Variants in GRXCR1 observed in about 807,000 individuals in gnomAD.
GRXCR1 encodes the protein glutaredoxin domain-containing cysteine-rich protein 1.
In GRXCR1, 27 loss-of-function variants were observed where a neutral mutation model predicts 27.3. That is an observed-to-expected ratio of 0.99 (90% CI 0.73 to 1.37). The LOEUF is 1.37. Among genes scored for constraint, GRXCR1 ranks in the 40% most tolerant of loss-of-function variants. The probability of loss-of-function intolerance (pLI) is 0.00; values close to 1 mark genes in which losing one functional copy is unlikely to be tolerated. For synonymous variants in GRXCR1, 122 were observed against 131.1 expected (o/e 0.93, Z 0.47); for missense variants, 379 against 354.4 (o/e 1.07, Z -0.56).
At chr4:43,012,810 T>C (rs1249123154) in intron 2 of GRXCR1, among the ~76,000 whole-genome samples, 1 of 152,146 alleles carries the variant, frequency 6.6e-6, no homozygotes, top group African/African-American at 2.4e-5. Flanking sequence ...CTTGGTGAGC[T>C]TAATCACTGC....
chr4:43,025,793 G>A (rs921023726), intron 3 of GRXCR1, among the ~76,000 whole-genome samples: 20 of 152,236 alleles, frequency 1.3e-4, no homozygotes, highest in African/African-American at 4.1e-4. Flanking sequence ...TGGCTAACAC[G>A]GTGAAACCCC....
intron 1 of GRXCR1, among the ~76,000 whole-genome samples, chr4:42,958,090 A>G (rs910526955): frequency 6.6e-6 from 1 of 152,018 alleles, no homozygotes; most frequent in African/African-American, 2.4e-5. Context: ...TTCAAAGGGA[A>G]TTGAATGCTG....
intron 2 of GRXCR1, among the ~76,000 whole-genome samples, chr4:42,963,865 T>C (rs1344352997): frequency 2.0e-5 from 3 of 152,010 alleles, no homozygotes; most frequent in East Asian, 3.9e-4. Flanking sequence ...GCTGACTACA[T>C]GATCACTTAT....
intron 1 of GRXCR1, among the ~76,000 whole-genome samples, chr4:42,959,421 G>T (rs960632731): frequency 1.3e-5 from 2 of 151,774 alleles, no homozygotes; most frequent in African/African-American, 4.8e-5. Flanking sequence ...GTGGCTGTTA[G>T]TGGTGGGGGA....
At chr4:42,920,206 C>T (rs1223628280) in intron 1 of GRXCR1, among the ~76,000 whole-genome samples, 1 of 152,006 alleles carries the variant, frequency 6.6e-6, no homozygotes, top group Non-Finnish European at 1.5e-5. Flanking sequence ...CAGCAATTGG[C>T]AAGGTGAAGG....
At chr4:42,991,580 C>T (rs1711976976) in intron 2 of GRXCR1, among the ~76,000 whole-genome samples, 1 of 151,988 alleles carries the variant, frequency 6.6e-6, no homozygotes, top group Non-Finnish European at 1.5e-5. Context: ...CAACAATAAA[C>T]TGCCTCTTTC....
intron 2 of GRXCR1, among the ~76,000 whole-genome samples, chr4:42,987,260 T>A (rs1400510536): frequency 1.4e-4 from 10 of 73,272 alleles, no homozygotes; most frequent in African/African-American, 3.7e-4. Flanking sequence ...TATATATATA[T>A]AATATATATA....
intron 2 of GRXCR1, among the ~76,000 whole-genome samples, chr4:43,016,767 G>C (rs764593732): frequency 6.6e-6 from 1 of 152,074 alleles, no homozygotes. Context: ...GAATGAGTAC[G>C]GTAGCACACT....
At chr4:42,956,283 G>A (rs1748002032) in intron 1 of GRXCR1, among the ~76,000 whole-genome samples, 1 of 152,002 alleles carries the variant, frequency 6.6e-6, no homozygotes, top group Admixed American at 6.6e-5. Context: ...AGACCCCAAA[G>A]GCTTCTCAGT....
At chr4:42,909,304 T>C (rs947245271) in intron 1 of GRXCR1, among the ~76,000 whole-genome samples, 7 of 152,102 alleles carry the variant, frequency 4.6e-5, no homozygotes, top group African/African-American at 1.4e-4. Flanking sequence ...TGGGCCTTGG[T>C]GGCAGTTTTA....
At chr4:42,981,438 G>C (rs1390315837) in intron 2 of GRXCR1, among the ~76,000 whole-genome samples, 2 of 151,968 alleles carry the variant, frequency 1.3e-5, no homozygotes, top group African/African-American at 4.8e-5. Flanking sequence ...CAATAGCTTT[G>C]AATTTTAACC....
At chr4:42,926,632 T>C (rs557419944) in intron 1 of GRXCR1, among the ~76,000 whole-genome samples, 64 of 141,292 alleles carry the variant, frequency 4.5e-4, no homozygotes, top group Non-Finnish European at 8.6e-4. Context: ...TTTCACATTG[T>C]TTTTTTTTTG....
At chr4:42,963,931 G>A (rs1450769153) in intron 2 of GRXCR1, among the ~76,000 whole-genome samples, 1 of 151,944 alleles carries the variant, frequency 6.6e-6, no homozygotes, top group African/African-American at 2.4e-5. Flanking sequence ...GTTTCATTTA[G>A]CATCTGCTCT....
intron 1 of GRXCR1, 31 bp from the exon 2 acceptor site, chr4:42,962,861 A>G (rs1395780039): frequency 2.5e-6 from 4 of 1,611,706 alleles, no homozygotes; most frequent in Non-Finnish European, 3.4e-6. Flanking sequence ...GTAAAAGCAA[A>G]CATTCTTACA....
At chr4:43,016,674 G>T (rs1712941730) in intron 2 of GRXCR1, among the ~76,000 whole-genome samples, 1 of 151,388 alleles carries the variant, frequency 6.6e-6, no homozygotes. Context: ...TGGCTTTTTT[G>T]CTTATTGTAT....
intron 1 of GRXCR1, among the ~76,000 whole-genome samples, chr4:42,910,691 C>G (rs1045804785): frequency 2.6e-5 from 4 of 152,252 alleles, no homozygotes; most frequent in African/African-American, 9.6e-5. Flanking sequence ...AGCTGACCCA[C>G]GTGGCATATA....
chr4:43,027,432 C>G lies in GRXCR1; in HGVS notation c.694-2929C>G, dbSNP rs150166980. ...ATAAATTATGAAGAAACAGTAGACTCTTGGTATTAGTGAATTTAACATTTG... is the reference window on the plus strand; with the variant it reads ...ATAAATTATGAAGAAACAGTAGACTGTTGGTATTAGTGAATTTAACATTTG... On this transcript the variant is annotated intron_variant, in intron 3 of 3. Coordinates refer to ENST00000399770, the MANE Select transcript of GRXCR1 (RefSeq NM_001080476.3). Among the ~76,000 whole-genome samples, 22 of 152,288 alleles carry G rather than the reference C, an allele frequency of 1.4e-4. No homozygotes were observed. The East Asian group carries it at 4.2e-3, about 29-fold the overall frequency.
intron 2 of GRXCR1, among the ~76,000 whole-genome samples, chr4:42,981,691 T>A (rs1388507628): frequency 1.3e-5 from 2 of 152,198 alleles, no homozygotes; most frequent in Non-Finnish European, 2.9e-5. Context: ...ACAGTTTTGC[T>A]GGCTATAGTA....
intron 1 of GRXCR1, among the ~76,000 whole-genome samples, chr4:42,894,607 T>A (rs1024890519): frequency 9.9e-5 from 15 of 152,138 alleles, no homozygotes; most frequent in African/African-American, 2.7e-4. Flanking sequence ...TACTTAAATA[T>A]TTTTTATTTC....
Sources: allele counts gnomAD v4.1 joint callset (sites outside exome capture counted in the v4.1 genomes callset), GRCh38; gene constraint gnomAD v4.1.1; transcripts MANE v1.5; gene names NCBI Gene and HGNC (gene_info 2026-07-23, HGNC 2026-07-21).